EPHA5: variants seen among roughly 807,000 people sequenced by gnomAD.
EPHA5 encodes the protein ephrin type-A receptor 5.
Under a neutral mutation model 105.0 loss-of-function variants are expected in EPHA5, and 60 were observed. The observed-to-expected ratio is 0.57, with a 90% CI of 0.46 to 0.71. EPHA5 has a LOEUF of 0.71. EPHA5 is among the 30% of genes least tolerant of loss of function. The probability of loss-of-function intolerance (pLI) is 0.00; values close to 1 mark genes in which losing one functional copy is unlikely to be tolerated. For synonymous variants in EPHA5, 513 were observed against 449.1 expected (o/e 1.14, Z -1.80); for missense variants, 1,218 against 1,274.7 (o/e 0.96, Z 0.68).
At chr4:65,338,827 G>A (rs1300856742) in intron 14 of EPHA5, among the ~76,000 whole-genome samples, 1 of 151,924 alleles carries the variant, frequency 6.6e-6, no homozygotes, top group African/African-American at 2.4e-5. Flanking sequence ...ACTCTGGTAG[G>A]TTGTAAAATG....
At chr4:65,523,847 T>C (rs1734990340) in intron 3 of EPHA5, among the ~76,000 whole-genome samples, 1 of 151,922 alleles carries the variant, frequency 6.6e-6, no homozygotes, top group Non-Finnish European at 1.5e-5. Context: ...GGATTTCTTC[T>C]TCCAACTTAG....
At chr4:65,599,045 A>G (rs1427953179) in intron 3 of EPHA5, among the ~76,000 whole-genome samples, 1 of 152,110 alleles carries the variant, frequency 6.6e-6, no homozygotes, top group Non-Finnish European at 1.5e-5. Context: ...TATAGTTAAA[A>G]AACCAAAACT....
At chr4:65,575,128 A>G (rs1475479948) in intron 3 of EPHA5, among the ~76,000 whole-genome samples, 1 of 152,054 alleles carries the variant, frequency 6.6e-6, no homozygotes, top group Non-Finnish European at 1.5e-5. Context: ...GACAGCAATC[A>G]ACAGAAAGAA....
At chr4:65,395,775 T>G (rs1430177480) in intron 8 of EPHA5, among the ~76,000 whole-genome samples, 1 of 152,216 alleles carries the variant, frequency 6.6e-6, no homozygotes, top group Non-Finnish European at 1.5e-5. Context: ...TAACAGGCAT[T>G]AAGCCATTTC....
intron 5 of EPHA5, among the ~76,000 whole-genome samples, 190 bp from the exon 6 acceptor site, chr4:65,420,755 C>T (rs1457205531): frequency 1.3e-5 from 2 of 151,906 alleles, no homozygotes; most frequent in Non-Finnish European, 2.9e-5. Flanking sequence ...GCTAAATATC[C>T]TCAGGATTTT....
intron 3 of EPHA5, among the ~76,000 whole-genome samples, chr4:65,530,435 C>A (rs200284283): frequency 7.0e-6 from 1 of 143,664 alleles, no homozygotes; most frequent in Non-Finnish European, 1.5e-5. Context: ...TGTGTGTGTG[C>A]GTGTTTATGA....
intron 5 of EPHA5, among the ~76,000 whole-genome samples, chr4:65,476,880 T>C (rs1467702886): frequency 1.3e-5 from 2 of 152,066 alleles, no homozygotes; most frequent in Admixed American, 1.3e-4. Flanking sequence ...TCTGGATCCT[T>C]AATAATAAAA....
chr4:65,511,269 A>G (rs1217659743), intron 3 of EPHA5, among the ~76,000 whole-genome samples: 1 of 152,204 alleles, frequency 6.6e-6, no homozygotes, highest in African/African-American at 2.4e-5. Flanking sequence ...TATGGTATCA[A>G]CTAAGTTATG....
At chr4:65,401,343 C>T (rs1013284833) in intron 8 of EPHA5, among the ~76,000 whole-genome samples, 2 of 151,802 alleles carry the variant, frequency 1.3e-5, no homozygotes, top group Admixed American at 6.6e-5. Context: ...AAGTTTATTG[C>T]ATTAAGTGAG....
chr4:65,376,056 C>A (rs545531131), intron 8 of EPHA5, among the ~76,000 whole-genome samples: 2 of 152,084 alleles, frequency 1.3e-5, no homozygotes, highest in East Asian at 3.9e-4. Flanking sequence ...GGCATCCATT[C>A]CACAACTTCT....
intron 1 of EPHA5, among the ~76,000 whole-genome samples, chr4:65,664,721 A>G (rs1331447617): frequency 6.6e-6 from 1 of 151,930 alleles, no homozygotes; most frequent in African/African-American, 2.4e-5. Context: ...AAATATACTC[A>G]CTACAGATAT....
In EPHA5 at chr4:65,495,528, A is replaced by C; in HGVS notation, c.926T>G (p.Phe309Cys). The C allele has an allele frequency of 6.2e-7, 1 of 1,613,582 alleles. No homozygotes were observed. Among genetic ancestry groups the C allele is most frequent in the Non-Finnish European group, 8.5e-7 (1 of 1,179,688 alleles). Reference protein sequence around the residue: ...NGTCQVCRPGFFKASPHIQSC... With the variant: ...NGTCQVCRPGCFKASPHIQSC... Reference sequence around the variant, plus strand: ...CTGGATGTGAGGTGAGGCTTTGAAGAACCCAGGTCTGCACACTGTCAAAAG... The same window carrying C: ...CTGGATGTGAGGTGAGGCTTTGAAGCACCCAGGTCTGCACACTGTCAAAAG... The change falls in exon 4 of 17, where the codon TTC becomes TGC. Residue 309 changes from phenylalanine (F) to cysteine (C), a missense_variant. Phe to Cys is a radical substitution (Grantham distance 205). Around this residue, in one of 3 missense-constraint regions of EPHA5, gnomAD observed 971 missense variants for 1,013.5 expected, o/e 0.96. Coordinates refer to ENST00000613740, the MANE Select transcript of EPHA5 (RefSeq NM_001281766.3).
intron 5 of EPHA5, among the ~76,000 whole-genome samples, chr4:65,482,334 A>G (rs1311116597): frequency 6.6e-6 from 1 of 151,992 alleles, no homozygotes; most frequent in African/African-American, 2.4e-5. Context: ...CACTGATTAA[A>G]TTTTCAGAAA....
At chr4:65,521,892 C>T (rs1038412168) in intron 3 of EPHA5, among the ~76,000 whole-genome samples, 5 of 151,974 alleles carry the variant, frequency 3.3e-5, no homozygotes, top group African/African-American at 1.2e-4. Context: ...AGCAGCTGTT[C>T]GGCCCACTGT....
chr4:65,419,363 T>C (rs565941565), intron 6 of EPHA5, among the ~76,000 whole-genome samples: 43 of 152,280 alleles, frequency 2.8e-4, no homozygotes, highest in African/African-American at 9.6e-4. Flanking sequence ...ATTTTGTATT[T>C]CCTACCATCC....
chr4:65,486,881 T>C (rs2149203538), intron 5 of EPHA5, among the ~76,000 whole-genome samples: 1 of 152,320 alleles, frequency 6.6e-6, no homozygotes, highest in South Asian at 2.1e-4. Context: ...TGGGGCCTCC[T>C]GGGAGGTGAC....
At chr4:65,582,121 A>G (rs1421159623) in intron 3 of EPHA5, among the ~76,000 whole-genome samples, 1 of 151,700 alleles carries the variant, frequency 6.6e-6, no homozygotes, top group Non-Finnish European at 1.5e-5. Context: ...GGAAAAAATA[A>G]ATAAAAGGAA....
chr4:65,456,115 T>A (rs1015013941), intron 5 of EPHA5, among the ~76,000 whole-genome samples: 1 of 152,110 alleles, frequency 6.6e-6, no homozygotes, highest in Admixed American at 6.5e-5. Flanking sequence ...GAACTTTGAA[T>A]CCGTATGAAT....
At position 65,670,241 on chromosome 4, in the gene EPHA5, G is replaced by A. The variant is rs1750342771; in HGVS notation, c.-499C>T. On this transcript the variant is annotated 5_prime_UTR_variant, in exon 1 of 17. Transcript: ENST00000613740. ...AAGAAAGAGGACTTGAGAAAATGTGGAGAATGAAAAACAGGAGAGCAGCGA... is the reference window on the plus strand; with the variant it reads ...AAGAAAGAGGACTTGAGAAAATGTGAAGAATGAAAAACAGGAGAGCAGCGA... 2 of 234,650 alleles carry A rather than the reference G, an allele frequency of 8.5e-6. No individual in the cohort carries two copies. Among genetic ancestry groups the A allele is most frequent in the East Asian group, 1.2e-4 (2 of 16,592 alleles). 14.5% of individuals were successfully genotyped at this position (234,650 alleles called of 1,614,324 possible).
Sources: gnomAD v4.1 joint callset for allele counts (sites outside exome capture counted in the v4.1 genomes callset) on GRCh38, gnomAD v4.1.1 for gene constraint, gnomAD v4.1.1 regional missense constraint, MANE v1.5 for transcripts, NCBI Gene and HGNC (gene_info 2026-07-23, HGNC 2026-07-21) for gene names.